MYO1D: variants seen among roughly 807,000 people sequenced by gnomAD.
MYO1D encodes the protein myosin ID.
In MYO1D, 83 loss-of-function variants were observed where a neutral mutation model predicts 122.0. The observed-to-expected ratio is 0.68, with a 90% CI of 0.57 to 0.82. The LOEUF (loss-of-function observed/expected upper bound fraction) is 0.82. Among genes scored for constraint, MYO1D ranks in the 40% least tolerant of loss-of-function variants. The pLI is 0.00. For synonymous variants in MYO1D, 464 were observed against 446.9 expected, an observed-to-expected ratio of 1.04 and a Z score of -0.48; for missense variants, 1,157 against 1,269.5, an observed-to-expected ratio of 0.91 and a Z score of 1.35.
chr17:32,841,810 G>A (rs921905836), intron 1 of MYO1D, among the ~76,000 whole-genome samples: 2 of 152,060 alleles, frequency 1.3e-5, no homozygotes, highest in South Asian at 2.1e-4. Flanking sequence ...ATAAAGATGC[G>A]GTCTTTAGAT....
In MYO1D at chr17:32,549,793, A is replaced by C. The variant is rs945531022; in HGVS notation, c.2865-54878T>G. ...CATCTGTCACATGAAGGACACGTTA[A>C]TTGCATTAACTATCTTATGGAAGTA... On this transcript the variant is annotated intron_variant, in intron 21 of 21. Coordinates refer to ENST00000318217, the MANE Select transcript of MYO1D (RefSeq NM_015194.3). 4.6e-5 allele frequency among the ~76,000 whole-genome samples: 7 copies of C among 152,200 alleles called. No homozygotes were observed. The South Asian group carries it at 8.3e-4, about 18-fold the overall frequency.
chr17:32,523,645 C>A (rs1163207743), intron 21 of MYO1D, among the ~76,000 whole-genome samples: 3 of 151,932 alleles, frequency 2.0e-5, no homozygotes, highest in African/African-American at 4.8e-5. Context: ...CCTATCTCTA[C>A]AAAAGATTAC....
At chr17:32,532,724 A>AG (rs1491241123) in intron 21 of MYO1D, among the ~76,000 whole-genome samples, 3 of 8,794 alleles carry the variant, frequency 3.4e-4, no homozygotes, top group Admixed American at 1.4e-3. Context: ...ACTCCGTCTC[A>AG]AAAAAAAAAA....
intron 21 of MYO1D, among the ~76,000 whole-genome samples, chr17:32,520,064 C>A (rs1000572983): frequency 6.6e-6 from 1 of 152,106 alleles, no homozygotes; most frequent in Non-Finnish European, 1.5e-5. Flanking sequence ...TTTTCCTGCT[C>A]AGATTCCTGC....
intron 21 of MYO1D, among the ~76,000 whole-genome samples, chr17:32,529,366 AGAGGAG>A (rs1296255693): frequency 7.4e-6 from 1 of 134,278 alleles, no homozygotes; most frequent in Non-Finnish European, 1.6e-5. Flanking sequence ...GCCTGGACAG[AGAGGAG>A]GGAAGAAACC....
intron 1 of MYO1D, 164 bp downstream of exon 1, chr17:32,876,614 G>A: frequency 1.9e-6 from 1 of 524,914 alleles, no homozygotes; most frequent in Non-Finnish European, 3.1e-6. Flanking sequence ...TCTCGGGAAA[G>A]CGCAGCCGCG....
intron 17 of MYO1D, among the ~76,000 whole-genome samples, chr17:32,655,794 T>C (rs974351627): frequency 1.3e-5 from 2 of 152,198 alleles, no homozygotes; most frequent in African/African-American, 4.8e-5. Flanking sequence ...AAAAGGGTCA[T>C]TGTGGTTGCT....
intron 7 of MYO1D, 76 bp downstream of exon 7, chr17:32,767,560 G>C: frequency 9.7e-7 from 1 of 1,029,486 alleles, no homozygotes; most frequent in Non-Finnish European, 1.4e-6. Context: ...AATCTACAGG[G>C]AAAAAACAAA....
At chr17:32,855,295 C>CG (rs977243737) in intron 1 of MYO1D, among the ~76,000 whole-genome samples, 3 of 152,166 alleles carry the variant, frequency 2.0e-5, no homozygotes, top group Non-Finnish European at 4.4e-5. Flanking sequence ...CCGGCACCCC[C>CG]AGATACCCTC....
chr17:32,808,008 A>G (rs764427232), intron 1 of MYO1D, among the ~76,000 whole-genome samples: 1 of 152,218 alleles, frequency 6.6e-6, no homozygotes, highest in Non-Finnish European at 1.5e-5. Flanking sequence ...TATTGTTACT[A>G]TAAACAATGT....
At chr17:32,563,773 C>T (rs2087148028) in intron 21 of MYO1D, among the ~76,000 whole-genome samples, 1 of 152,238 alleles carries the variant, frequency 6.6e-6, no homozygotes, top group African/African-American at 2.4e-5. Flanking sequence ...TTCCTCATTC[C>T]TCACCCTGTC....
intron 4 of MYO1D, among the ~76,000 whole-genome samples, chr17:32,773,182 C>T (rs773901783): frequency 1.3e-5 from 2 of 152,164 alleles, no homozygotes; most frequent in Non-Finnish European, 2.9e-5. Context: ...AGGTAAGCGG[C>T]CTCTTTTTAC....
chr17:32,835,847 AC>A (rs2151069936), intron 1 of MYO1D, among the ~76,000 whole-genome samples: 1 of 152,324 alleles, frequency 6.6e-6, no homozygotes, highest in South Asian at 2.1e-4. Context: ...TGTTGTAGTC[AC>A]AACTCTTCAA....
At chr17:32,737,237 A>C (rs1470508551) in intron 14 of MYO1D, among the ~76,000 whole-genome samples, 2 of 152,250 alleles carry the variant, frequency 1.3e-5, no homozygotes, top group Non-Finnish European at 2.9e-5. Context: ...AATTTATCAA[A>C]CTTGCCAACA....
In MYO1D at chr17:32,778,571, C is replaced by T; in HGVS notation, c.307G>A (p.Glu103Lys). Residue 103 changes from glutamate (E) to lysine (K), a missense_variant and splice_region_variant, in exon 3 of 22, where the codon GAA (glutamate) becomes AAA (lysine). Coordinates refer to ENST00000318217, the MANE Select transcript of MYO1D (RefSeq NM_015194.3). ...GCTTCCGTTTTACCAGCTCCACTTT[C>T]CCCTGGGGGGAAAAATTGTTCAGGG... ...SKDTCIVISGESGAGKTEASK... is the reference protein window; with the variant it reads ...SKDTCIVISGKSGAGKTEASK... 1.2e-6 allele frequency: 2 copies of T among 1,612,970 alleles called. No individual in the cohort carries two copies. The highest frequency in any genetic ancestry group is 1.7e-6 in the Non-Finnish European group (2 of 1,179,052).
At chr17:32,682,880 G>T (rs1490618509) in intron 16 of MYO1D, among the ~76,000 whole-genome samples, 14 of 97,048 alleles carry the variant, frequency 1.4e-4, no homozygotes, top group African/African-American at 7.0e-4. Flanking sequence ...TCACTTTCAG[G>T]TACACCAATC....
chr17:32,724,442 T>C (rs1457283975), intron 14 of MYO1D, among the ~76,000 whole-genome samples: 1 of 152,004 alleles, frequency 6.6e-6, no homozygotes, highest in East Asian at 2.0e-4. Flanking sequence ...GTAAACAAAA[T>C]AAACAAAACG....
Position 32,787,464 on chromosome 17 carries a change from G to A in MYO1D, c.96-6680C>T, listed in dbSNP as rs190766725. Among the ~76,000 whole-genome samples the A allele has an allele frequency of 5.5e-3, 839 of 151,714 alleles. 6 individuals are homozygous for A. The highest frequency in any genetic ancestry group is 8.4e-3 in the Non-Finnish European group (569 of 67,906). Reference sequence around the variant, plus strand: ...GACGGAGTCTCACTTTGTCGCCCAGGCTGGAGTGCAGTGGCATGATCTTGG... The same window carrying A: ...GACGGAGTCTCACTTTGTCGCCCAGACTGGAGTGCAGTGGCATGATCTTGG... On this transcript the variant is annotated intron_variant, in intron 1 of 21. Coordinates refer to ENST00000318217, the MANE Select transcript of MYO1D (RefSeq NM_015194.3).
intron 6 of MYO1D, 42 bp downstream of exon 6, chr17:32,771,083 A>C: frequency 2.8e-6 from 4 of 1,442,146 alleles, no homozygotes; most frequent in Non-Finnish European, 2.9e-6. Context: ...TAATCCTTTG[A>C]CTGATTTTCT....
Sources: gnomAD v4.1 joint callset for allele counts (sites outside exome capture counted in the v4.1 genomes callset) on GRCh38, gnomAD v4.1.1 for gene constraint, MANE v1.5 for transcripts, NCBI Gene and HGNC (gene_info 2026-07-23, HGNC 2026-07-21) for gene names.